The following DMD variants were observed in gnomAD, a reference collection of about 807,000 sequenced individuals.
The protein encoded by DMD is dystrophin.
A neutral mutation model predicts 330.1 loss-of-function variants in DMD; 63 were observed. The observed-to-expected ratio is 0.19, with a 90% CI of 0.16 to 0.24. DMD has a LOEUF of 0.24. DMD is among the 10% of genes least tolerant of loss of function. DMD has a pLI of 1.00. For missense variants in DMD, 3,344 were observed against 2,684.1 expected (o/e 1.25, Z -5.43); for synonymous variants, 1,223 against 959.8 (o/e 1.27, Z -5.07).
intron 9 of DMD, among the ~76,000 whole-genome samples, chrX:32,675,927 G>T (rs1602842185): frequency 9.0e-6 from 1 of 111,430 alleles, no homozygotes; most frequent in Non-Finnish European, 1.9e-5. Flanking sequence ...TTATCTAAGA[G>T]TAACTGGTTC....
At chrX:32,318,684 A>G (rs1363558452) in intron 41 of DMD, among the ~76,000 whole-genome samples, 1 of 111,843 alleles carries the variant, frequency 8.9e-6, no homozygotes, top group Non-Finnish European at 1.9e-5. Flanking sequence ...GAATCAATGA[A>G]CAATTTACCC....
intron 1 of DMD, among the ~76,000 whole-genome samples, chrX:33,253,084 G>T (rs2052798152): frequency 9.2e-6 from 1 of 108,847 alleles, no homozygotes; most frequent in Non-Finnish European, 1.9e-5. Context: ...ATCTCCTAAG[G>T]GTTTGAGGTG....
intron 52 of DMD, among the ~76,000 whole-genome samples, chrX:31,707,421 G>GCACA (rs1390651025): frequency 1.8e-5 from 2 of 110,517 alleles, no homozygotes; most frequent in Admixed American, 2.0e-4. Context: ...TAAGCACTGA[G>GCACA]CACACATGGA....
At chrX:31,561,967 T>C (rs1341421588) in intron 55 of DMD, among the ~76,000 whole-genome samples, 1 of 112,508 alleles carries the variant, frequency 8.9e-6, no homozygotes, top group African/African-American at 3.2e-5. Context: ...CCTTTGAAAA[T>C]CCAAGGTAAC....
chrX:32,276,828 A>G (rs955167236), intron 43 of DMD, among the ~76,000 whole-genome samples: 2 of 110,764 alleles, frequency 1.8e-5, no homozygotes, highest in African/African-American at 6.6e-5. Context: ...GCTAAGGCAC[A>G]AGAATCTCTT....
intron 9 of DMD, among the ~76,000 whole-genome samples, chrX:32,683,544 C>CA (rs1312992171): frequency 4.8e-5 from 5 of 103,144 alleles, no homozygotes; most frequent in South Asian, 9.3e-4. Flanking sequence ...ATCGCAAGGA[C>CA]AAAAAACCAA....
chrX:31,682,117 T>C (rs1200294366), intron 52 of DMD, among the ~76,000 whole-genome samples: 1 of 111,619 alleles, frequency 9.0e-6, no homozygotes, highest in Admixed American at 9.5e-5. Context: ...TTCAGATATT[T>C]TGTAAATAAG....
chrX:31,971,088 G>C (rs901459196), intron 44 of DMD, among the ~76,000 whole-genome samples: 1 of 111,666 alleles, frequency 9.0e-6, no homozygotes, highest in African/African-American at 3.3e-5. Flanking sequence ...GCTGCATTAG[G>C]TCCGTGGAGG....
At chrX:33,293,126 A>AT (rs1256981759) in intron 1 of DMD, among the ~76,000 whole-genome samples, 6 of 111,379 alleles carry the variant, frequency 5.4e-5, no homozygotes, top group Non-Finnish European at 1.1e-4. Context: ...TAAATATTTG[A>AT]TTTTTATCTT....
chrX:32,166,720 A>C (rs2096869697), intron 44 of DMD, among the ~76,000 whole-genome samples: 1 of 111,584 alleles, frequency 9.0e-6, no homozygotes, highest in South Asian at 3.8e-4. Flanking sequence ...AAATGAGTGA[A>C]CAGGTAAAGC....
At chrX:31,637,779 C>G (rs2079499924) in intron 54 of DMD, among the ~76,000 whole-genome samples, 2 of 111,364 alleles carry the variant, frequency 1.8e-5, no homozygotes, top group Non-Finnish European at 3.8e-5. Context: ...TTAGACATTG[C>G]TTTCACATAA....
intron 7 of DMD, among the ~76,000 whole-genome samples, chrX:32,724,540 T>C (rs1312287304): frequency 8.9e-6 from 1 of 111,800 alleles, no homozygotes; most frequent in Non-Finnish European, 1.9e-5. Context: ...AAGCTAATTT[T>C]ACTCTGAAAC....
intron 2 of DMD, among the ~76,000 whole-genome samples, chrX:32,980,853 C>T (rs1391365247): frequency 9.0e-6 from 1 of 111,604 alleles, no homozygotes; most frequent in African/African-American, 3.3e-5. Context: ...CTGTTATCAG[C>T]GAACATAGCA....
Position 32,391,945 on chromosome X carries a change from G to T in DMD, c.4234-1764C>A, listed in dbSNP as rs764493799. 2.7e-5 allele frequency among the ~76,000 whole-genome samples: 3 copies of T among 112,124 alleles called. No homozygotes were observed. The Admixed American group carries it at 2.8e-4, about 11-fold the overall frequency. Reference sequence around the variant, plus strand: ...AGGTGGGCCAGTAACAACCATGTCTGTGCCACGTAATTCTGGCCAACTCCA... The same window carrying T: ...AGGTGGGCCAGTAACAACCATGTCTTTGCCACGTAATTCTGGCCAACTCCA... On this transcript the variant is annotated intron_variant, in intron 30 of 78. Coordinates refer to ENST00000357033, the MANE Select transcript of DMD (RefSeq NM_004006.3).
At chrX:32,817,018 T>C (rs2077815018) in intron 5 of DMD, among the ~76,000 whole-genome samples, 2 of 111,653 alleles carry the variant, frequency 1.8e-5, no homozygotes, top group South Asian at 7.4e-4. Context: ...GCTTTTTGGA[T>C]AGGAGGAATA....
chrX:33,239,988 T>C, intron 1 of DMD, among the ~76,000 whole-genome samples: 1 of 111,144 alleles, frequency 9.0e-6, no homozygotes, highest in Non-Finnish European at 1.9e-5. Context: ...AAAACATAAG[T>C]GAATTTGTGT....
intron 44 of DMD, among the ~76,000 whole-genome samples, chrX:32,024,714 A>G (rs1348622646): frequency 1.8e-5 from 2 of 110,855 alleles, no homozygotes; most frequent in Non-Finnish European, 1.9e-5. Flanking sequence ...TGTTGTGATG[A>G]TTGCCTGAAT....
At chrX:31,996,380 T>C (rs1343362975) in intron 44 of DMD, among the ~76,000 whole-genome samples, 2 of 111,511 alleles carry the variant, frequency 1.8e-5, no homozygotes, top group Admixed American at 1.9e-4. Context: ...AAACACTGAT[T>C]ATTCAGTGGT....
chrX:31,646,713 C>T (rs1213934143), intron 54 of DMD, among the ~76,000 whole-genome samples: 1 of 111,770 alleles, frequency 8.9e-6, no homozygotes, highest in Non-Finnish European at 1.9e-5. Flanking sequence ...ATGGGGTGAC[C>T]CAGGACCATT....
Sources: allele counts gnomAD v4.1 joint callset (sites outside exome capture counted in the v4.1 genomes callset), GRCh38; gene constraint gnomAD v4.1.1; transcripts MANE v1.5; gene names NCBI Gene and HGNC (gene_info 2026-07-23, HGNC 2026-07-21).